WDR41: variants seen among roughly 807,000 people sequenced by gnomAD.
WDR41 encodes WD repeat domain 41.
A neutral mutation model predicts 69.3 loss-of-function variants in WDR41; 63 were observed. That is an observed-to-expected ratio of 0.91 (90% CI 0.74 to 1.12). The LOEUF is 1.12. Among genes scored for constraint, WDR41 ranks in the 50% most tolerant of loss-of-function variants. The pLI, the probability that WDR41 is intolerant of heterozygous loss-of-function variation, is 0.00. For synonymous variants in WDR41, 185 were observed against 192.1 expected, an observed-to-expected ratio of 0.96 and a Z score of 0.31; for missense variants, 543 against 534.5, an observed-to-expected ratio of 1.02 and a Z score of -0.16.
At chr5:77,504,687 A>G (rs1200415113) in intron 1 of WDR41, among the ~76,000 whole-genome samples, 1 of 152,170 alleles carries the variant, frequency 6.6e-6, no homozygotes, top group Non-Finnish European at 1.5e-5. Flanking sequence ...CAATCAAGTC[A>G]GCTTCATCCC....
intron 1 of WDR41, among the ~76,000 whole-genome samples, chr5:77,522,356 A>C (rs1265856560): frequency 6.6e-6 from 1 of 152,134 alleles, no homozygotes; most frequent in African/African-American, 2.4e-5. Context: ...AAGAAACGGA[A>C]AGAGGCCGGG....
At chr5:77,478,839 G>A (rs1055688406) in intron 2 of WDR41, among the ~76,000 whole-genome samples, 7 of 151,552 alleles carry the variant, frequency 4.6e-5, no homozygotes, top group African/African-American at 9.7e-5. Flanking sequence ...AATTAGGCAG[G>A]AGAAGGAAAT....
At chr5:77,568,183 A>T (rs1743672250) in intron 1 of WDR41, among the ~76,000 whole-genome samples, 1 of 152,174 alleles carries the variant, frequency 6.6e-6, no homozygotes, top group African/African-American at 2.4e-5. Context: ...AGGCTTATGG[A>T]TAATGAAATG....
At chr5:77,551,341 C>T (rs763931100) in intron 1 of WDR41, among the ~76,000 whole-genome samples, 3 of 152,160 alleles carry the variant, frequency 2.0e-5, no homozygotes, top group Non-Finnish European at 4.4e-5. Flanking sequence ...TATTCAAAAG[C>T]TAATTTTAGA....
At chr5:77,509,806 A>C (rs1362725185) in intron 1 of WDR41, among the ~76,000 whole-genome samples, 1 of 152,234 alleles carries the variant, frequency 6.6e-6, no homozygotes, top group Admixed American at 6.5e-5. Context: ...AAAAACCATT[A>C]AATTGTATAC....
chr5:77,565,522 T>C (rs1743608568), intron 1 of WDR41, among the ~76,000 whole-genome samples: 1 of 152,064 alleles, frequency 6.6e-6, no homozygotes, highest in Non-Finnish European at 1.5e-5. Context: ...ACTGCAATCA[T>C]GGCAATGAGA....
chr5:77,521,114 A>C (rs539648093), intron 1 of WDR41, among the ~76,000 whole-genome samples: 25 of 152,216 alleles, frequency 1.6e-4, no homozygotes, highest in African/African-American at 5.3e-4. Flanking sequence ...AGCAGTCCCC[A>C]ACCTTTTTGG....
intron 2 of WDR41, among the ~76,000 whole-genome samples, chr5:77,470,303 G>A (rs950262490): frequency 3.3e-5 from 5 of 152,226 alleles, no homozygotes; most frequent in East Asian, 1.9e-4. Context: ...AGGAACAACC[G>A]ATACCAGCCA....
At chr5:77,470,863 G>A (rs890935175) in intron 2 of WDR41, among the ~76,000 whole-genome samples, 1 of 91,570 alleles carries the variant, frequency 1.1e-5, no homozygotes, top group South Asian at 3.5e-4. Context: ...ACATTAGACA[G>A]ATCAACAAGA....
intron 1 of WDR41, among the ~76,000 whole-genome samples, chr5:77,507,748 A>C (rs900282167): frequency 2.0e-5 from 3 of 152,156 alleles, no homozygotes; most frequent in Non-Finnish European, 4.4e-5. Flanking sequence ...CTCTTTGTTT[A>C]TTCTACTTAG....
intron 1 of WDR41, among the ~76,000 whole-genome samples, chr5:77,534,759 C>T (rs1054549171): frequency 2.6e-5 from 4 of 152,078 alleles, no homozygotes; most frequent in African/African-American, 7.2e-5. Flanking sequence ...TAACCAAACA[C>T]TTATTGAGCA....
intron 2 of WDR41, 44 bp downstream of exon 2, chr5:77,489,413 C>A: frequency 7.9e-7 from 1 of 1,261,324 alleles, no homozygotes; most frequent in Non-Finnish European, 1.1e-6. Flanking sequence ...TTCCCTAAAA[C>A]CTCTTCCCAA....
At chr5:77,448,252 G>A (rs1194210764) in intron 8 of WDR41, among the ~76,000 whole-genome samples, 3 of 152,170 alleles carry the variant, frequency 2.0e-5, no homozygotes, top group Admixed American at 1.3e-4. Context: ...TGTCACCAAT[G>A]AGGCTTCAGA....
In WDR41 at chr5:77,444,210, A is replaced by G. The variant is rs1280060624; in HGVS notation, c.698-3213T>C. On this transcript the variant is annotated intron_variant, in intron 8 of 12. Transcript: ENST00000296679. The stretch of plus-strand genomic sequence containing the variant: ...GCACATATTTTTAAGCAGTTTACAC[A>G]TGGCAAACTAATTCCCAAACAGGTC... Among the ~76,000 whole-genome samples the G allele has an allele frequency of 7.3e-4, 111 of 152,132 alleles. 2 individuals are homozygous for G. Among genetic ancestry groups the G allele is most frequent in the Non-Finnish European group, 1.3e-4 (9 of 68,026 alleles).
At chr5:77,483,076 C>A (rs1434190481) in intron 2 of WDR41, among the ~76,000 whole-genome samples, 1 of 152,150 alleles carries the variant, frequency 6.6e-6, no homozygotes, top group Non-Finnish European at 1.5e-5. Flanking sequence ...ACTCAAAGTC[C>A]ATTTCCTTTG....
chr5:77,433,726 T>C (rs1798821489), intron 12 of WDR41, among the ~76,000 whole-genome samples: 1 of 151,312 alleles, frequency 6.6e-6, no homozygotes, highest in African/African-American at 2.4e-5. Context: ...TTATGGTCCC[T>C]ACCCTCAAGA....
chr5:77,451,691 T>C (rs1799634470), intron 6 of WDR41: 3 of 196,814 alleles, frequency 1.5e-5, no homozygotes, highest in South Asian at 2.0e-4. Context: ...ATTTACAAGA[T>C]GGCTAGCTCA....
intron 1 of WDR41, among the ~76,000 whole-genome samples, chr5:77,500,325 A>C (rs551999670): frequency 6.6e-6 from 1 of 152,342 alleles, no homozygotes; most frequent in South Asian, 2.1e-4. Flanking sequence ...GGATGAACTA[A>C]TAGCAGAATG....
chr5:77,607,117 G>A (rs890041386), intron 1 of WDR41, among the ~76,000 whole-genome samples: 3 of 151,930 alleles, frequency 2.0e-5, no homozygotes, highest in Non-Finnish European at 4.4e-5. Flanking sequence ...AAACAATAAG[G>A]CTCTGAATTA....
Sources: gnomAD v4.1 joint callset for allele counts (sites outside exome capture counted in the v4.1 genomes callset) on GRCh38, gnomAD v4.1.1 for gene constraint, MANE v1.5 for transcripts, NCBI Gene and HGNC (gene_info 2026-07-23, HGNC 2026-07-21) for gene names.